Variants in ENTPD1 observed in about 807,000 individuals in gnomAD.
The protein encoded by ENTPD1 is ATP diphosphohydrolase.
A neutral mutation model predicts 57.0 loss-of-function variants in ENTPD1; 33 were observed. That is an observed-to-expected ratio of 0.58 (90% CI 0.44 to 0.77). The LOEUF (loss-of-function observed/expected upper bound fraction) is 0.77, where lower values mean the gene tolerates loss of function less well. Among genes scored for constraint, ENTPD1 ranks in the 30% least tolerant of loss-of-function variants. The pLI, the probability that ENTPD1 is intolerant of heterozygous loss-of-function variation, is 0.00. For missense variants in ENTPD1, 501 were observed against 603.4 expected (o/e 0.83, Z 1.78); for synonymous variants, 202 against 218.8 (o/e 0.92, Z 0.68).
intron 1 of ENTPD1, among the ~76,000 whole-genome samples, chr10:95,767,314 CAAAAAAA>C (rs1160221654): frequency 0.049 from 3,312 of 68,116 alleles, 58 homozygotes; most frequent in Middle Eastern, 0.11. Context: ...GACTCCATCT[CAAAAAAA>C]AAAAAAAAAA....
chr10:95,728,267 G>T (rs575904722), intron 1 of ENTPD1, among the ~76,000 whole-genome samples: 1 of 151,874 alleles, frequency 6.6e-6, no homozygotes, highest in Non-Finnish European at 1.5e-5. Flanking sequence ...TACATATTTT[G>T]TATGTCATAT....
intron 1 of ENTPD1, among the ~76,000 whole-genome samples, chr10:95,762,883 G>T (rs117221200): frequency 0.034 from 5,138 of 152,038 alleles, 115 homozygotes; most frequent in Non-Finnish European, 0.049. Context: ...TCAATTTTTA[G>T]ATTGTTTTAG....
chr10:95,753,323 C>T (rs1217520191), upstream of ENTPD1: 1 of 152,050 alleles, frequency 6.6e-6, no homozygotes, highest in Non-Finnish European at 1.5e-5. Context: ...TATACTTAAC[C>T]ATAGTATTTT....
At chr10:95,756,043 C>T (rs184095655), upstream of ENTPD1, 2,530 of 1,477,920 alleles carry the variant, frequency 1.7e-3, 5 homozygotes, top group Non-Finnish European at 2.1e-3. Context: ...GTCAATCTGT[C>T]CTTTCTAGTC....
chr10:95,723,562 C>T (rs1239252904), intron 1 of ENTPD1, among the ~76,000 whole-genome samples: 2 of 152,024 alleles, frequency 1.3e-5, no homozygotes, highest in Admixed American at 6.5e-5. Context: ...ACCATTAGTA[C>T]CTAGGAGGCA....
At chr10:95,797,610 T>C (rs1364138199) in intron 1 of ENTPD1, among the ~76,000 whole-genome samples, 1 of 152,134 alleles carries the variant, frequency 6.6e-6, no homozygotes, top group Non-Finnish European at 1.5e-5. Flanking sequence ...CTCAGGAAGC[T>C]TACAATTGTG....
At chr10:95,836,071 T>C (rs2098408881) in intron 2 of ENTPD1, among the ~76,000 whole-genome samples, 1 of 152,240 alleles carries the variant, frequency 6.6e-6, no homozygotes, top group Non-Finnish European at 1.5e-5. Flanking sequence ...CCACCATTTA[T>C]TAAATAGGAA....
At chr10:95,708,184 C>A (rs891635541), upstream of ENTPD1, among the ~76,000 whole-genome samples, 1 of 139,930 alleles carries the variant, frequency 7.1e-6, no homozygotes, top group Non-Finnish European at 1.6e-5. Flanking sequence ...AGGGATTTAA[C>A]TTCTTTTTTT....
chr10:95,836,592 G>A (rs2098410299), intron 2 of ENTPD1, among the ~76,000 whole-genome samples: 1 of 152,046 alleles, frequency 6.6e-6, no homozygotes, highest in Non-Finnish European at 1.5e-5. Flanking sequence ...ATACTCATAG[G>A]GACTTTTGGA....
intron 4 of ENTPD1, 120 bp downstream of exon 4, chr10:95,842,614 A>G: frequency 8.9e-7 from 1 of 1,122,362 alleles, no homozygotes; most frequent in Non-Finnish European, 1.3e-6. Context: ...ACCCAAGTCC[A>G]TACTTAAGAA....
chr10:95,862,216 T>G (rs977320499), intron 8 of ENTPD1, among the ~76,000 whole-genome samples: 8 of 152,164 alleles, frequency 5.3e-5, no homozygotes, highest in African/African-American at 1.9e-4. Context: ...GGTTGCAGGG[T>G]TAGACCCCTG....
At chr10:95,861,724 T>A (rs1025738481) in intron 8 of ENTPD1, 1 of 152,144 alleles carries the variant, frequency 6.6e-6, no homozygotes, top group Non-Finnish European at 1.5e-5. Context: ...CAGGCCTACA[T>A]GTGGCTGCTG....
At chr10:95,782,313 G>A (rs917743970) in intron 1 of ENTPD1, among the ~76,000 whole-genome samples, 8 of 152,202 alleles carry the variant, frequency 5.3e-5, no homozygotes, top group African/African-American at 1.9e-4. Context: ...TTTATTGAGT[G>A]AAGAACTGAA....
chr10:95,839,518 G>T (rs527337039), intron 2 of ENTPD1, 173 bp from the exon 3 acceptor site: 3 of 721,984 alleles, frequency 4.2e-6, no homozygotes, highest in Admixed American at 1.9e-5. Context: ...GTTCTAGCAG[G>T]GTTGTTGTCC....
intron 1 of ENTPD1, among the ~76,000 whole-genome samples, chr10:95,750,491 G>A (rs183699073): frequency 2.0e-5 from 3 of 152,272 alleles, no homozygotes; most frequent in Admixed American, 6.5e-5. Flanking sequence ...CTTCTGCCAT[G>A]ATTGTAAGTT....
intron 1 of ENTPD1, among the ~76,000 whole-genome samples, chr10:95,724,573 G>T (rs1174286358): frequency 6.6e-6 from 1 of 152,202 alleles, no homozygotes; most frequent in Non-Finnish European, 1.5e-5. Flanking sequence ...CTAGTGTTCA[G>T]CTCAACTAGG....
Position 95,873,673 on chromosome 10 carries a change from A to G in ENTPD1, c.*7290A>G. 2 of 985,370 alleles carry G rather than the reference A, an allele frequency of 2.0e-6. No homozygotes were observed. Among genetic ancestry groups the G allele is most frequent in the Non-Finnish European group, 2.4e-6 (2 of 829,876 alleles). The allele number at this position is 985,370 out of a possible 1,614,324, so 61.0% of individuals were successfully genotyped here. ...ACAGCTAATCATGTTCAATAGTTAC[A>G]TTTAGATTGGTTTTTAAAAACTATG... On this transcript the variant is annotated 3_prime_UTR_variant, in exon 10 of 10. Coordinates refer to ENST00000371205, the MANE Select transcript of ENTPD1 (RefSeq NM_001776.6).
intron 1 of ENTPD1, among the ~76,000 whole-genome samples, chr10:95,727,589 G>C (rs773230764): frequency 5.3e-5 from 8 of 152,142 alleles, no homozygotes; most frequent in Non-Finnish European, 1.0e-4. Flanking sequence ...CCATTTGCTT[G>C]TGAGATCAAT....
chr10:95,728,240 C>T (rs1189396252), intron 1 of ENTPD1, among the ~76,000 whole-genome samples: 1 of 152,086 alleles, frequency 6.6e-6, no homozygotes, highest in Non-Finnish European at 1.5e-5. Flanking sequence ...TTACTGATAA[C>T]ATAAACAGTT....
Sources: gnomAD v4.1 joint callset for allele counts (sites outside exome capture counted in the v4.1 genomes callset) on GRCh38, gnomAD v4.1.1 for gene constraint, MANE v1.5 for transcripts, NCBI Gene and HGNC (gene_info 2026-07-23, HGNC 2026-07-21) for gene names.